The following UMAD1 variants were observed in gnomAD, a reference collection of about 807,000 sequenced individuals.
UMAD1 encodes UBAP1-MVB12-associated (UMA)-domain containing protein 1.
A neutral mutation model predicts 6.1 loss-of-function variants in UMAD1; 8 were observed. The observed-to-expected ratio is 1.30, with a 90% CI of 0.76 to 2.35. The LOEUF is 2.35. Ranked by LOEUF, UMAD1 falls within the 30% of genes most tolerant of loss-of-function variation. The probability of loss-of-function intolerance (pLI) is 0.00; values close to 1 mark genes in which losing one functional copy is unlikely to be tolerated. For synonymous variants in UMAD1, 56 were observed against 31.4 expected (o/e 1.78, Z -2.61); for missense variants, 130 against 78.4 (o/e 1.66, Z -2.49).
intron 2 of UMAD1, among the ~76,000 whole-genome samples, chr7:7,695,332 T>C (rs549622527): frequency 2.6e-5 from 4 of 152,320 alleles, no homozygotes; most frequent in Admixed American, 1.3e-4. Flanking sequence ...AACTTTAAGA[T>C]TTCATTTGTA....
chr7:7,692,542 A>G (rs1477528654), intron 2 of UMAD1: 1 of 152,184 alleles, frequency 6.6e-6, no homozygotes, highest in Non-Finnish European at 1.5e-5. Context: ...AACAAGGTAG[A>G]TCGATTCCCT....
At chr7:7,648,705 G>T (rs1233810594) in intron 1 of UMAD1, among the ~76,000 whole-genome samples, 1 of 151,828 alleles carries the variant, frequency 6.6e-6, no homozygotes, top group African/African-American at 2.4e-5. Context: ...ACAAAAATTA[G>T]CTGGCCATGG....
At chr7:7,853,139 T>C (rs1232533376) in intron 3 of UMAD1, among the ~76,000 whole-genome samples, 1 of 152,220 alleles carries the variant, frequency 6.6e-6, no homozygotes. Context: ...CCAGTATATA[T>C]GTATATCATA....
chr7:7,826,141 G>A (rs191156854), intron 3 of UMAD1, among the ~76,000 whole-genome samples: 28 of 152,184 alleles, frequency 1.8e-4, no homozygotes, highest in African/African-American at 6.7e-4. Flanking sequence ...GTATGTACAT[G>A]GATGAATCAG....
chr7:7,765,835 G>T (rs1167154475), intron 2 of UMAD1, among the ~76,000 whole-genome samples: 1 of 152,038 alleles, frequency 6.6e-6, no homozygotes, highest in Non-Finnish European at 1.5e-5. Context: ...TATCTATCTG[G>T]TTTTATAAAT....
At chr7:7,874,417 AT>A (rs1784380847) in intron 3 of UMAD1, among the ~76,000 whole-genome samples, 1 of 152,176 alleles carries the variant, frequency 6.6e-6, no homozygotes, top group Admixed American at 6.5e-5. Context: ...GTTCTTCAAG[AT>A]TTTTTTCATC....
intron 3 of UMAD1, among the ~76,000 whole-genome samples, chr7:7,823,769 A>G (rs1489824301): frequency 6.6e-6 from 1 of 152,162 alleles, no homozygotes; most frequent in African/African-American, 2.4e-5. Context: ...CAATATGAGA[A>G]ATCTAATGCA....
chr7:7,690,967 G>A (rs1286057016), intron 2 of UMAD1, among the ~76,000 whole-genome samples: 2 of 152,232 alleles, frequency 1.3e-5, no homozygotes, highest in South Asian at 4.1e-4. Flanking sequence ...CTAAAGGAGT[G>A]CAGTTTCTTT....
intron 3 of UMAD1, among the ~76,000 whole-genome samples, chr7:7,839,536 G>A (rs1399075170): frequency 6.6e-6 from 1 of 152,138 alleles, no homozygotes; most frequent in Admixed American, 6.6e-5. Context: ...CGAGAGCAGA[G>A]CAATAGAACA....
intron 2 of UMAD1, among the ~76,000 whole-genome samples, chr7:7,724,720 A>G (rs1217823326): frequency 6.6e-6 from 1 of 152,194 alleles, no homozygotes; most frequent in African/African-American, 2.4e-5. Flanking sequence ...GCTATACCAG[A>G]TGTGGTTTCA....
chr7:7,651,382 A>G (rs1785220194), intron 1 of UMAD1, among the ~76,000 whole-genome samples: 1 of 152,148 alleles, frequency 6.6e-6, no homozygotes, highest in Non-Finnish European at 1.5e-5. Flanking sequence ...GTGGCAGGCC[A>G]AAAGGCAACA....
chr7:7,865,565 G>C (rs1784210549), intron 3 of UMAD1, among the ~76,000 whole-genome samples: 1 of 152,172 alleles, frequency 6.6e-6, no homozygotes, highest in Non-Finnish European at 1.5e-5. Flanking sequence ...CTCTAACAGA[G>C]GTGAACAGCA....
chr7:7,765,709 A>C (rs1297471973), intron 2 of UMAD1, among the ~76,000 whole-genome samples: 1 of 152,170 alleles, frequency 6.6e-6, no homozygotes, highest in Non-Finnish European at 1.5e-5. Context: ...CTGAGAAATC[A>C]TTAATATGTT....
intron 1 of UMAD1, among the ~76,000 whole-genome samples, chr7:7,644,060 C>T (rs545516439): frequency 6.6e-6 from 1 of 152,152 alleles, no homozygotes; most frequent in Non-Finnish European, 1.5e-5. Context: ...ACTCTCTTAC[C>T]TGGAGTATAA....
At chr7:7,734,887 A>G (rs969451495) in intron 2 of UMAD1, among the ~76,000 whole-genome samples, 2 of 152,166 alleles carry the variant, frequency 1.3e-5, no homozygotes, top group East Asian at 1.9e-4. Flanking sequence ...ATTTCCTGCA[A>G]TGCTCAGGAA....
At chr7:7,741,225 A>C (rs921924243) in intron 2 of UMAD1, 1 of 152,050 alleles carries the variant, frequency 6.6e-6, no homozygotes, top group African/African-American at 2.4e-5. Flanking sequence ...TGCTCAACTT[A>C]CTAGGAGAAC....
At chr7:7,771,959 G>A (rs1212792471) in intron 2 of UMAD1, among the ~76,000 whole-genome samples, 1 of 151,868 alleles carries the variant, frequency 6.6e-6, no homozygotes, top group African/African-American at 2.4e-5. Context: ...CATGCTTGTA[G>A]GTATATATAT....
chr7:7,830,330 C>T lies in UMAD1; in HGVS notation c.156+28587C>T, dbSNP rs1783437730. 6.6e-6 allele frequency among the ~76,000 whole-genome samples: 1 copy of T among 152,052 alleles called. No homozygotes were observed. The highest frequency in any genetic ancestry group is 1.5e-5 in the Non-Finnish European group (1 of 68,014). ...CAGCTGCTCTGGAGGTTAGCCCTGCCCTTCATTTCCAGCCTAGAATGTGAC... is the reference window on the plus strand; with the variant it reads ...CAGCTGCTCTGGAGGTTAGCCCTGCTCTTCATTTCCAGCCTAGAATGTGAC... On this transcript the variant is annotated intron_variant, in intron 3 of 3. Transcript: ENST00000682710. The surrounding 1 kb of genome is among the most constrained non-coding windows in gnomAD (Gnocchi z 5.3).
At chr7:7,816,139 T>A (rs763354241) in intron 3 of UMAD1, among the ~76,000 whole-genome samples, 21 of 152,036 alleles carry the variant, frequency 1.4e-4, no homozygotes, top group Non-Finnish European at 2.9e-4. Context: ...TATCTATATA[T>A]CTTATAGAGG....
Sources: allele counts gnomAD v4.1 joint callset (sites outside exome capture counted in the v4.1 genomes callset), GRCh38; gene constraint gnomAD v4.1.1; non-coding constraint Gnocchi (gnomAD v3.1); transcripts MANE v1.5; gene names NCBI Gene and HGNC (gene_info 2026-07-23, HGNC 2026-07-21).